Variants in PMEPA1 observed in about 807,000 individuals in gnomAD.
The protein encoded by PMEPA1 is prostate transmembrane protein, androgen induced 1, also known as protein TMEPAI.
Under a neutral mutation model 23.0 loss-of-function variants are expected in PMEPA1, and 11 were observed. The ratio of observed to expected loss-of-function variants is 0.48; its 90% CI spans 0.30 to 0.79. The LOEUF (loss-of-function observed/expected upper bound fraction) is 0.79. Among genes scored for constraint, PMEPA1 ranks in the 30% least tolerant of loss-of-function variants. PMEPA1 has a pLI of 0.06. For missense variants in PMEPA1, 377 were observed against 390.9 expected, an observed-to-expected ratio of 0.96 and a Z score of 0.30; for synonymous variants, 204 against 166.4, an observed-to-expected ratio of 1.23 and a Z score of -1.74.
rs999749945 is a variant in PMEPA1 at position 57,655,898 on chromosome 20, G to A, written c.265-2812C>T. Among the ~76,000 whole-genome samples, 1 of 152,148 alleles carries A rather than the reference G, an allele frequency of 6.6e-6. No homozygotes were observed. Among genetic ancestry groups the A allele is most frequent in the African/African-American group, 2.4e-5 (1 of 41,450 alleles). On this transcript the variant is annotated intron_variant, in intron 2 of 3. Coordinates refer to ENST00000341744, the MANE Select transcript of PMEPA1 (RefSeq NM_020182.5). This position sits in a 1 kb window ranked among gnomAD's most constrained non-coding sequence, Gnocchi z 4.2. The stretch of plus-strand genomic sequence containing the variant: ...CATACCACTGAACCCTGCTGCTACA[G>A]CCAAGCGCAGCTATGGGCAAAACGC...
intron 1 of PMEPA1, among the ~76,000 whole-genome samples, chr20:57,673,878 C>T (rs2071601582): frequency 6.6e-6 from 1 of 152,214 alleles, no homozygotes; most frequent in Admixed American, 6.5e-5. Context: ...ACCCTCCCCT[C>T]TCTGGGCTTG....
Position 57,682,361 on chromosome 20 carries a change from G to A in PMEPA1, c.110-22664C>T, listed in dbSNP as rs377733638. Among the ~76,000 whole-genome samples, 6 of 152,288 alleles carry A rather than the reference G, an allele frequency of 3.9e-5. No individual in the cohort carries two copies. The highest frequency in any genetic ancestry group is 4.2e-4 in the South Asian group (2 of 4,814). Reference sequence around the variant, plus strand: ...TTGGGCAAGCTGTTCTCTGAGCCTCGGTGGTTTCATCCATAAAATGGGGAA... The same window carrying A: ...TTGGGCAAGCTGTTCTCTGAGCCTCAGTGGTTTCATCCATAAAATGGGGAA... On this transcript the variant is annotated intron_variant, in intron 1 of 3. Coordinates refer to ENST00000341744, the MANE Select transcript of PMEPA1 (RefSeq NM_020182.5). This position sits in a 1 kb window ranked among gnomAD's most constrained non-coding sequence, Gnocchi z 4.4.
intron 1 of PMEPA1, among the ~76,000 whole-genome samples, chr20:57,679,006 G>C (rs568180389): frequency 1.1e-3 from 168 of 152,328 alleles, no homozygotes; most frequent in African/African-American, 3.8e-3. Flanking sequence ...AGAAGAGCCA[G>C]GAACTGCAGG....
intron 1 of PMEPA1, chr20:57,699,897 G>T (rs2071988400): frequency 2.6e-6 from 1 of 391,946 alleles, no homozygotes; most frequent in Non-Finnish European, 5.2e-6. Flanking sequence ...GAAGCCTCCC[G>T]GCCTCGGCGG....
chr20:57,698,975 A>T (rs1265470938), intron 1 of PMEPA1, among the ~76,000 whole-genome samples: 1 of 152,254 alleles, frequency 6.6e-6, no homozygotes. Context: ...CTCAACTGAC[A>T]TCCACGAGGT....
Position 57,655,240 on chromosome 20 carries a change from A to G in PMEPA1, c.265-2154T>C, listed in dbSNP as rs2071310650. 6.6e-6 allele frequency among the ~76,000 whole-genome samples: 1 copy of G among 152,080 alleles called. No individual in the cohort carries two copies. Among genetic ancestry groups the G allele is most frequent in the South Asian group, 2.1e-4 (1 of 4,824 alleles). The stretch of plus-strand genomic sequence containing the variant: ...GGCCCCTCTTTCCTCCCTTTCCTGA[A>G]GAACTTTGACTGGCCCCTCAAGCCT... On this transcript the variant is annotated intron_variant, in intron 2 of 3. Coordinates refer to ENST00000341744, the MANE Select transcript of PMEPA1 (RefSeq NM_020182.5). The surrounding 1 kb of genome is among the most constrained non-coding windows in gnomAD (Gnocchi z 4.2).
chr20:57,692,780 G>C (rs980565629), intron 1 of PMEPA1, among the ~76,000 whole-genome samples: 1 of 152,222 alleles, frequency 6.6e-6, no homozygotes, highest in Non-Finnish European at 1.5e-5. Flanking sequence ...AGAAAAGGCA[G>C]AGATCCAGGC....
At chr20:57,703,557 C>T (rs2072039261) in intron 1 of PMEPA1, among the ~76,000 whole-genome samples, 1 of 152,190 alleles carries the variant, frequency 6.6e-6, no homozygotes, top group Non-Finnish European at 1.5e-5. Context: ...CCGTCTGGGG[C>T]CTCTTGGGCC....
At chr20:57,659,769 T>G (rs1212553239) in intron 1 of PMEPA1, 72 bp from the exon 2 acceptor site, 37 of 1,458,642 alleles carry the variant, frequency 2.5e-5, no homozygotes, top group Non-Finnish European at 3.4e-5. Flanking sequence ...TCAGCCCTTT[T>G]GAGCTTTTTC....
rs1032100045 is a variant in PMEPA1, at chr20:57,682,202, CACAG to C, written c.110-22509_110-22506del. 6.6e-6 allele frequency among the ~76,000 whole-genome samples: 1 copy of C among 152,216 alleles called. No individual in the cohort carries two copies. The highest frequency in any genetic ancestry group is 2.4e-5 in the African/African-American group (1 of 41,456). ...CCTCCTTCCTTAGGTCACTATTACA[CACAG>C]ACAGACACAGCTACCTTCGATGGGA... On this transcript the variant is annotated intron_variant, in intron 1 of 3. Transcript: ENST00000341744. The surrounding 1 kb of genome is among the most constrained non-coding windows in gnomAD (Gnocchi z 4.4).
chr20:57,669,023 C>A (rs1412439486), intron 1 of PMEPA1, among the ~76,000 whole-genome samples: 1 of 152,170 alleles, frequency 6.6e-6, no homozygotes, highest in Admixed American at 6.5e-5. Context: ...GCACTCTCTG[C>A]CTCTCCCCTC....
At chr20:57,670,882 A>G (rs2071558614) in intron 1 of PMEPA1, among the ~76,000 whole-genome samples, 1 of 152,226 alleles carries the variant, frequency 6.6e-6, no homozygotes, top group African/African-American at 2.4e-5. Flanking sequence ...CCTGAGCAAC[A>G]CAGAGAAACA....
At position 57,688,760 on chromosome 20, in the gene PMEPA1, A is replaced by C. The variant is rs570959981; in HGVS notation, c.109+20714T>G. Among the ~76,000 whole-genome samples the C allele has an allele frequency of 1.7e-4, 26 of 152,326 alleles. No homozygotes were observed. In the South Asian group the frequency reaches 4.4e-3, roughly 25 times the overall value. On this transcript the variant is annotated intron_variant, in intron 1 of 3. Coordinates refer to ENST00000341744, the MANE Select transcript of PMEPA1 (RefSeq NM_020182.5). ...GCAAACACTAAGCCTAGAGCCAGGG[A>C]ATCAAACTGGAGATTCTGCCTCTCT...
intron 1 of PMEPA1, among the ~76,000 whole-genome samples, chr20:57,685,457 C>T (rs2071788445): frequency 6.6e-6 from 1 of 152,218 alleles, no homozygotes; most frequent in Admixed American, 6.5e-5. Flanking sequence ...TAACAAAGGA[C>T]TTTTTACAGC....
rs1367675951 is a variant in PMEPA1 at position 57,655,664 on chromosome 20, CACTGCTGACGAG to C, written c.265-2590_265-2579del. Among the ~76,000 whole-genome samples the C allele has an allele frequency of 3.9e-5, 6 of 152,176 alleles. No homozygotes were observed. The highest frequency in any genetic ancestry group is 1.4e-4 in the African/African-American group (6 of 41,416). ...CAAGGACAGGTTCCAATCCTACAGCCACTGCTGACGAGCCCCCTGCTCCCAGCAGCCTCCAAC... is the reference window on the plus strand; with the variant it reads ...CAAGGACAGGTTCCAATCCTACAGCCCCCCCTGCTCCCAGCAGCCTCCAAC... On this transcript the variant is annotated intron_variant, in intron 2 of 3. Transcript: ENST00000341744. This position sits in a 1 kb window ranked among gnomAD's most constrained non-coding sequence, Gnocchi z 4.2.
At chr20:57,710,372 T>C, upstream of PMEPA1, 1 of 1,388,070 alleles carries the variant, frequency 7.2e-7, no homozygotes, top group Non-Finnish European at 9.8e-7. Context: ...CTCTTGGGGC[T>C]AGCCTATCTT....
chr20:57,703,209 G>A (rs918803983), intron 1 of PMEPA1, among the ~76,000 whole-genome samples: 8 of 152,262 alleles, frequency 5.3e-5, no homozygotes, highest in African/African-American at 1.9e-4. Context: ...AAGTGAAACT[G>A]AAGACCGGCC....
At chr20:57,668,165 AGGGACGCTGAGAG>A in intron 1 of PMEPA1, among the ~76,000 whole-genome samples, 1 of 152,078 alleles carries the variant, frequency 6.6e-6, no homozygotes, top group Non-Finnish European at 1.5e-5. Context: ...CATGTTGGGG[AGGGACGCTGAGAG>A]GGGACAAGTC....
At chr20:57,675,719 G>A (rs1405077457) in intron 1 of PMEPA1, among the ~76,000 whole-genome samples, 1 of 152,200 alleles carries the variant, frequency 6.6e-6, no homozygotes, top group African/African-American at 2.4e-5. Flanking sequence ...GGGCTCCAGG[G>A]CAGCAAACGT....
Sources: gnomAD v4.1 joint callset for allele counts (sites outside exome capture counted in the v4.1 genomes callset) on GRCh38, gnomAD v4.1.1 for gene constraint, Gnocchi (gnomAD v3.1) non-coding constraint, MANE v1.5 for transcripts, NCBI Gene and HGNC (gene_info 2026-07-23, HGNC 2026-07-21) for gene names.